Variants in LRP1B observed in about 807,000 individuals in gnomAD.
The protein encoded by LRP1B is LDL receptor related protein 1B, also known as low-density lipoprotein receptor-related protein 1B.
LRP1B carries 217 observed loss-of-function variants against 556.6 expected under a neutral mutation model. The observed-to-expected ratio is 0.39, with a 90% CI of 0.35 to 0.44. The LOEUF is 0.44. Ranked by LOEUF, LRP1B falls within the 20% of genes least tolerant of loss-of-function variation. The pLI, the probability that LRP1B is intolerant of heterozygous loss-of-function variation, is 1.00. For missense variants in LRP1B, 5,053 were observed against 5,620.8 expected (o/e 0.90, Z 3.23); for synonymous variants, 2,047 against 1,865.8 (o/e 1.10, Z -2.50).
intron 3 of LRP1B, among the ~76,000 whole-genome samples, chr2:141,469,406 G>A (rs181488822): frequency 7.2e-5 from 11 of 152,200 alleles, no homozygotes; most frequent in Admixed American, 1.3e-4. Flanking sequence ...CAGAGGCTTG[G>A]TAGCTTAAAC....
chr2:140,535,878 T>G (rs1215241660), intron 46 of LRP1B, among the ~76,000 whole-genome samples: 2 of 152,132 alleles, frequency 1.3e-5, no homozygotes, highest in Admixed American at 6.6e-5. Context: ...CAATTCTATG[T>G]TTGATGTGGA....
At chr2:141,001,780 GTGTGCGTGCGCACGCATATGCA>G (rs1697433133) in intron 15 of LRP1B, among the ~76,000 whole-genome samples, 1 of 152,124 alleles carries the variant, frequency 6.6e-6, no homozygotes, top group South Asian at 2.1e-4. Flanking sequence ...CTGTGTGTGC[GTGTGCGTGCGCACGCATATGCA>G]TGTGCATGTA....
intron 35 of LRP1B, among the ~76,000 whole-genome samples, chr2:140,717,445 A>T (rs1687252055): frequency 6.6e-6 from 1 of 152,080 alleles, no homozygotes; most frequent in South Asian, 2.1e-4. Context: ...TCATTGTCCA[A>T]ATGGGCTTGA....
chr2:140,835,519 C>T (rs13400783), intron 31 of LRP1B, among the ~76,000 whole-genome samples: 6,384 of 151,998 alleles, frequency 0.042, 437 homozygotes, highest in African/African-American at 0.14. Context: ...AGTCACATTG[C>T]TCTTTTTATT....
chr2:141,632,900 A>G (rs1688966826), intron 2 of LRP1B, among the ~76,000 whole-genome samples: 1 of 150,240 alleles, frequency 6.7e-6, no homozygotes, highest in South Asian at 2.1e-4. Flanking sequence ...TATAAAACTC[A>G]TTCTCTGGGG....
At chr2:140,378,811 T>G (rs1455236751) in intron 67 of LRP1B, among the ~76,000 whole-genome samples, 1 of 152,196 alleles carries the variant, frequency 6.6e-6, no homozygotes, top group East Asian at 1.9e-4. Flanking sequence ...AAGAACAGTA[T>G]ATAGGGATAA....
chr2:141,867,838 T>C (rs1379943614), intron 1 of LRP1B, among the ~76,000 whole-genome samples: 3 of 152,126 alleles, frequency 2.0e-5, no homozygotes, highest in African/African-American at 4.8e-5. Context: ...TAAATTCAGT[T>C]AGACAATTTT....
At chr2:142,093,940 T>A (rs1471764609) in intron 1 of LRP1B, among the ~76,000 whole-genome samples, 1 of 152,056 alleles carries the variant, frequency 6.6e-6, no homozygotes, top group Non-Finnish European at 1.5e-5. Flanking sequence ...ATAAAATGGG[T>A]GGCTTATAAG....
At chr2:141,187,190 C>G (rs1218970479) in intron 7 of LRP1B, among the ~76,000 whole-genome samples, 3 of 152,042 alleles carry the variant, frequency 2.0e-5, no homozygotes, top group Non-Finnish European at 4.4e-5. Context: ...CAGATTGAGT[C>G]AAGTAACCAT....
chr2:140,839,138 T>C (rs563505138), intron 31 of LRP1B, among the ~76,000 whole-genome samples: 1 of 152,334 alleles, frequency 6.6e-6, no homozygotes, highest in African/African-American at 2.4e-5. Flanking sequence ...TCAGTAGTTA[T>C]ACTGCCACTG....
chr2:140,846,194 A>G (rs1314282947), intron 29 of LRP1B, among the ~76,000 whole-genome samples: 1 of 152,224 alleles, frequency 6.6e-6, no homozygotes, highest in African/African-American at 2.4e-5. Context: ...CAAAGGAATG[A>G]TAGAAAATAG....
rs2105421434 is a variant in LRP1B, at chr2:140,700,524, C to T, written c.6525G>A (p.Leu2175=). 1 of 1,613,450 alleles carries T rather than the reference C, an allele frequency of 6.2e-7. No individual in the cohort carries two copies. The highest frequency in any genetic ancestry group is 8.5e-7 in the Non-Finnish European group (1 of 1,179,668). ...RRTCACAHGY[L]AEDGVTCLRH... ...TCAGGCAAGTAACTCCATCTTCTGC[C>T]AAATATCCATGGGCACAAGCACAAG... The change falls in exon 41 of 91, where the codon TTG becomes TTA. Residue 2175 remains leucine, a synonymous_variant. Transcript: ENST00000389484.
At chr2:141,187,255 A>G (rs1681302171) in intron 7 of LRP1B, among the ~76,000 whole-genome samples, 1 of 152,076 alleles carries the variant, frequency 6.6e-6, no homozygotes, top group African/African-American at 2.4e-5. Flanking sequence ...CAGCCTTCCC[A>G]GCAAAGTTCT....
intron 47 of LRP1B, among the ~76,000 whole-genome samples, chr2:140,531,223 C>A (rs1690677721): frequency 6.6e-6 from 1 of 152,092 alleles, no homozygotes; most frequent in East Asian, 1.9e-4. Context: ...CCTGCACATT[C>A]TTTCTTGATA....
chr2:141,749,271 C>A (rs1034846325), intron 2 of LRP1B, among the ~76,000 whole-genome samples: 1 of 152,012 alleles, frequency 6.6e-6, no homozygotes, highest in African/African-American at 2.4e-5. Context: ...TTCTAATAGA[C>A]AAGTGTGTAA....
At chr2:140,876,692 G>A (rs1279564559) in intron 25 of LRP1B, among the ~76,000 whole-genome samples, 1 of 152,084 alleles carries the variant, frequency 6.6e-6, no homozygotes, top group Admixed American at 6.6e-5. Context: ...CCAACTCATA[G>A]GTATTTGATA....
chr2:140,712,243 A>C (rs966216988), intron 37 of LRP1B, among the ~76,000 whole-genome samples: 10 of 152,110 alleles, frequency 6.6e-5, no homozygotes, highest in African/African-American at 2.4e-4. Context: ...CCGTCACTGT[A>C]AGGTAAAGTT....
At position 140,300,811 on chromosome 2, in the gene LRP1B, T is replaced by C. The variant is rs80273046; in HGVS notation, c.12806-2842A>G. ...TTTGGGAGAATCATGTAGAATAAAT[T>C]AGATAACACATGTGAAGCATTTCTA... On this transcript the variant is annotated intron_variant, in intron 83 of 90. Transcript: ENST00000389484. Among the ~76,000 whole-genome samples the C allele has an allele frequency of 6.6e-5, 10 of 152,202 alleles. No homozygotes were observed. The East Asian group carries it at 1.9e-3, about 29-fold the overall frequency.
chr2:140,577,255 C>A (rs886826430), intron 43 of LRP1B, among the ~76,000 whole-genome samples: 1 of 151,874 alleles, frequency 6.6e-6, no homozygotes, highest in Non-Finnish European at 1.5e-5. Flanking sequence ...GAGGCTGAGG[C>A]GGGCAAATCA....
Sources: gnomAD v4.1 joint callset for allele counts (sites outside exome capture counted in the v4.1 genomes callset) on GRCh38, gnomAD v4.1.1 for gene constraint, MANE v1.5 for transcripts, NCBI Gene and HGNC (gene_info 2026-07-23, HGNC 2026-07-21) for gene names.